The following FAM133A variants were observed in gnomAD, a reference collection of about 807,000 sequenced individuals.
FAM133A encodes family with sequence similarity 133 member A.
For synonymous variants in FAM133A, 65 were observed against 58.6 expected, an observed-to-expected ratio of 1.11 and a Z score of -0.50; for missense variants, 159 against 164.4, an observed-to-expected ratio of 0.97 and a Z score of 0.18.
rs1014787716 is a variant in FAM133A, at chrX:93,710,203, C to T, written c.*37C>T. ...AAAGCAAGAATGAGTTTGCCGAGTTCCCCTGTGTTAGTAGAATTATTTCTG... is the reference window on the plus strand; with the variant it reads ...AAAGCAAGAATGAGTTTGCCGAGTTTCCCTGTGTTAGTAGAATTATTTCTG... On this transcript the variant is annotated 3_prime_UTR_variant, in exon 4 of 4. Transcript: ENST00000683942. 1 of 1,131,077 alleles carries T rather than the reference C, an allele frequency of 8.8e-7. No individual in the cohort carries two copies. The highest frequency in any genetic ancestry group is 1.2e-6 in the Non-Finnish European group (1 of 862,009). The allele number at this position is 1,131,077 out of a possible 1,213,427, so 93.2% of individuals were successfully genotyped here.
chrX:93,684,769 TA>T (rs1021493619), intron 2 of FAM133A, among the ~76,000 whole-genome samples: 8 of 108,296 alleles, frequency 7.4e-5, no homozygotes, highest in East Asian at 2.8e-4. Context: ...TTTTTATAAT[TA>T]AAAAAACAAA....
intron 2 of FAM133A, among the ~76,000 whole-genome samples, chrX:93,686,218 T>A (rs980259553): frequency 3.6e-5 from 4 of 109,797 alleles, no homozygotes; most frequent in African/African-American, 1.3e-4. Flanking sequence ...CAGAATGACA[T>A]AGGGATAAGA....
In FAM133A at chrX:93,684,794, A is replaced by G. The variant is rs772053688; in HGVS notation, c.-193+10042A>G. On this transcript the variant is annotated intron_variant, in intron 2 of 3. Coordinates refer to ENST00000683942, the MANE Select transcript of FAM133A (RefSeq NM_001171109.2). ...TAAAAAAACAAACATTTAACACAAT[A>G]ATGAATAACATTGTTTGTTTAAATT... 2.7e-5 allele frequency among the ~76,000 whole-genome samples: 3 copies of G among 112,291 alleles called. No individual in the cohort carries two copies. The East Asian group carries it at 8.4e-4, about 31-fold the overall frequency.
chrX:93,689,484 A>G (rs1448006024), intron 2 of FAM133A, among the ~76,000 whole-genome samples: 3 of 112,389 alleles, frequency 2.7e-5, no homozygotes, highest in Middle Eastern at 8.5e-3. Context: ...GATGATCATG[A>G]TATAGTATTT....
At position 93,705,909 on chromosome X, in the gene FAM133A, C is replaced by T. The variant is rs1295387209; in HGVS notation, c.-103-3408C>T. Among the ~76,000 whole-genome samples, 4 of 111,489 alleles carry T rather than the reference C, an allele frequency of 3.6e-5. No homozygotes were observed. In the Admixed American group the frequency reaches 3.8e-4, roughly 11 times the overall value. ...AAAAAAAAACACAAAAGAATTTTAA[C>T]TCTGCATCTTTCATGGTTGCCTTCT... On this transcript the variant is annotated intron_variant, in intron 3 of 3. Coordinates refer to ENST00000683942, the MANE Select transcript of FAM133A (RefSeq NM_001171109.2).
chrX:93,677,861 G>T (rs1270499058), intron 2 of FAM133A, among the ~76,000 whole-genome samples: 1 of 111,625 alleles, frequency 9.0e-6, no homozygotes, highest in Non-Finnish European at 1.9e-5. Flanking sequence ...AAATAAGGCT[G>T]CTATGATCAT....
intron 3 of FAM133A, among the ~76,000 whole-genome samples, chrX:93,703,873 G>A (rs1000993498): frequency 7.1e-5 from 8 of 112,277 alleles, no homozygotes; most frequent in Non-Finnish European, 1.3e-4. Flanking sequence ...AGGGAAGAAA[G>A]AGGAAGAGAT....
chrX:93,699,886 A>C (rs1011805820), intron 3 of FAM133A, among the ~76,000 whole-genome samples: 23 of 110,742 alleles, frequency 2.1e-4, no homozygotes, highest in Admixed American at 1.9e-4. Context: ...GCCTCCCCCC[A>C]GTTTTTAGCA....
intron 2 of FAM133A, among the ~76,000 whole-genome samples, chrX:93,691,383 T>C (rs1925883887): frequency 8.9e-6 from 1 of 112,255 alleles, no homozygotes; most frequent in South Asian, 3.6e-4. Context: ...TACACAAATG[T>C]CCATTTGTTG....
intron 3 of FAM133A, among the ~76,000 whole-genome samples, chrX:93,704,657 G>A (rs2147661013): frequency 8.9e-6 from 1 of 111,924 alleles, no homozygotes; most frequent in African/African-American, 3.2e-5. Flanking sequence ...AGTGATATTT[G>A]TGGTAGAAAC....
chrX:93,687,668 C>G (rs988100350), intron 2 of FAM133A, among the ~76,000 whole-genome samples: 2 of 111,157 alleles, frequency 1.8e-5, no homozygotes, highest in Admixed American at 9.6e-5. Context: ...CATTCAGTAA[C>G]CTTTCTTCTA....
chrX:93,693,750 T>C (rs1193925039), intron 2 of FAM133A, among the ~76,000 whole-genome samples: 3 of 111,724 alleles, frequency 2.7e-5, no homozygotes, highest in Non-Finnish European at 1.9e-5. Flanking sequence ...ATTTTAGTAC[T>C]AATTTTATTG....
At chrX:93,705,484 A>G (rs765075773) in intron 3 of FAM133A, among the ~76,000 whole-genome samples, 18 of 111,774 alleles carry the variant, frequency 1.6e-4, no homozygotes, top group Non-Finnish European at 2.5e-4. Context: ...GAAGAACTCC[A>G]GCAACACTTA....
At chrX:93,691,626 T>C (rs1395721238) in intron 2 of FAM133A, among the ~76,000 whole-genome samples, 1 of 111,917 alleles carries the variant, frequency 8.9e-6, no homozygotes, top group Non-Finnish European at 1.9e-5. Context: ...CTGGATCCCT[T>C]GTACTCTTAT....
intron 2 of FAM133A, among the ~76,000 whole-genome samples, chrX:93,681,287 G>GTCTATCTATTCATCTA (rs1925134653): frequency 9.5e-6 from 1 of 104,789 alleles, no homozygotes; most frequent in South Asian, 4.3e-4. Flanking sequence ...GATATATTCT[G>GTCTATCTATTCATCTA]TCTATCTATC....
intron 2 of FAM133A, among the ~76,000 whole-genome samples, chrX:93,690,692 A>G (rs1012035672): frequency 4.5e-5 from 5 of 112,083 alleles, no homozygotes; most frequent in Non-Finnish European, 9.4e-5. Flanking sequence ...GTTTACATAC[A>G]TGTATTTGTG....
chrX:93,696,596 A>G (rs1379526624), intron 2 of FAM133A, among the ~76,000 whole-genome samples: 1 of 110,045 alleles, frequency 9.1e-6, no homozygotes, highest in African/African-American at 3.4e-5. Flanking sequence ...ACATAGGGGG[A>G]GGGGAAACTA....
At chrX:93,708,730 A>G (rs1329441422) in intron 3 of FAM133A, among the ~76,000 whole-genome samples, 1 of 112,205 alleles carries the variant, frequency 8.9e-6, no homozygotes, top group Non-Finnish European at 1.9e-5. Flanking sequence ...TAGGTACTAG[A>G]GATTAATAGC....
At chrX:93,690,443 T>G (rs940652618) in intron 2 of FAM133A, among the ~76,000 whole-genome samples, 1 of 111,677 alleles carries the variant, frequency 9.0e-6, no homozygotes, top group Admixed American at 9.5e-5. Context: ...AAATTTGCCT[T>G]TTCTGTACAT....
Sources: allele counts gnomAD v4.1 joint callset (sites outside exome capture counted in the v4.1 genomes callset), GRCh38; gene constraint gnomAD v4.1.1; transcripts MANE v1.5; gene names NCBI Gene and HGNC (gene_info 2026-07-23, HGNC 2026-07-21).